LPIN1: variants seen among roughly 807,000 people sequenced by gnomAD.
LPIN1 encodes the protein lipin 1, also known as phosphatidate phosphatase LPIN1.
A neutral mutation model predicts 107.5 loss-of-function variants in LPIN1; 71 were observed. The observed-to-expected ratio is 0.66, with a 90% CI of 0.55 to 0.80. The LOEUF (loss-of-function observed/expected upper bound fraction) is 0.80, where lower values mean the gene tolerates loss of function less well. LPIN1 is among the 30% of genes least tolerant of loss of function. LPIN1 has a pLI of 0.00. For synonymous variants in LPIN1, 445 were observed against 452.6 expected, an observed-to-expected ratio of 0.98 and a Z score of 0.21; for missense variants, 1,043 against 1,160.6, an observed-to-expected ratio of 0.90 and a Z score of 1.47.
chr2:11,807,870 C>T (rs1678983955), intron 17 of LPIN1, among the ~76,000 whole-genome samples: 1 of 152,126 alleles, frequency 6.6e-6, no homozygotes, highest in African/African-American at 2.4e-5. Context: ...GTGCCAGCTC[C>T]TTGATGTGGC....
At chr2:11,679,808 G>C (rs948927071) in intron 1 of LPIN1, among the ~76,000 whole-genome samples, 3 of 152,244 alleles carry the variant, frequency 2.0e-5, no homozygotes, top group African/African-American at 7.2e-5. Context: ...TGGGGGCCGG[G>C]GGAGTCTGGC....
At chr2:11,754,720 C>T (rs998478027) in intron 1 of LPIN1, among the ~76,000 whole-genome samples, 1 of 152,210 alleles carries the variant, frequency 6.6e-6, no homozygotes, top group African/African-American at 2.4e-5. Context: ...CTGAGGATGA[C>T]AGCCTGGTGG....
chr2:11,792,278 A>C, intron 13 of LPIN1: 1 of 354,362 alleles, frequency 2.8e-6, no homozygotes. Context: ...AGATTTCGTC[A>C]TCTATAAAAG....
At chr2:11,773,190 A>C (rs1358423077) in intron 4 of LPIN1, among the ~76,000 whole-genome samples, 1 of 152,236 alleles carries the variant, frequency 6.6e-6, no homozygotes, top group Non-Finnish European at 1.5e-5. Context: ...TCTGCTAGAC[A>C]AAATGTGATC....
At chr2:11,726,961 G>C (rs907683819) in intron 1 of LPIN1, among the ~76,000 whole-genome samples, 3 of 152,184 alleles carry the variant, frequency 2.0e-5, no homozygotes, top group Non-Finnish European at 4.4e-5. Flanking sequence ...GGCCACAAAG[G>C]AACGTGCCCT....
At chr2:11,757,826 A>G (rs1392576365) in intron 1 of LPIN1, among the ~76,000 whole-genome samples, 1 of 152,218 alleles carries the variant, frequency 6.6e-6, no homozygotes, top group Non-Finnish European at 1.5e-5. Context: ...TAATTGTGAT[A>G]AAATACATAT....
rs145817148 is a variant in LPIN1 at position 11,718,230 on chromosome 2, A to AT, written c.138+4419dup. 4.3e-3 allele frequency among the ~76,000 whole-genome samples: 653 copies of AT among 150,778 alleles called. 7 individuals are homozygous for AT. The highest frequency in any genetic ancestry group is 0.015 in the African/African-American group (617 of 41,300). ...AACCTCTCAGGAAAAGGGGGTCAGG[A>AT]TATATATATATATTTGAGATGGAGT... On this transcript the variant is annotated intron_variant, in intron 2 of 21. Coordinates refer to the LPIN1 transcript ENST00000449576.
chr2:11,726,467 T>C (rs1017741204), intron 1 of LPIN1, among the ~76,000 whole-genome samples: 1 of 152,030 alleles, frequency 6.6e-6, no homozygotes, highest in South Asian at 2.1e-4. Context: ...CCAGCCACGC[T>C]CTCCCCCGCC....
Position 11,785,094 on chromosome 2 carries a change from CG to C in LPIN1, c.1549+21del. ...CACGAAAGGTACCGCGGGCCTCGCG[CG>C]GGCGCCCTCTGGTGGCCGCCGGTCA... is the stretch of plus-strand genomic sequence containing the variant. On this transcript the variant is annotated intron_variant, in intron 10 of 20. Transcript: ENST00000674199. 1 of 1,530,172 alleles carries C rather than the reference CG, an allele frequency of 6.5e-7. No individual in the cohort carries two copies. Among genetic ancestry groups the C allele is most frequent in the Non-Finnish European group, 8.7e-7 (1 of 1,143,104 alleles). 94.8% of individuals were successfully genotyped at this position (1,530,172 alleles called of 1,614,324 possible). A position where few individuals can be genotyped will look rare whatever the true frequency, so the allele number is the denominator to read the frequency against.
intron 1 of LPIN1, among the ~76,000 whole-genome samples, chr2:11,702,962 G>A (rs975199855): frequency 2.0e-5 from 3 of 152,150 alleles, no homozygotes; most frequent in African/African-American, 7.2e-5. Context: ...TGGAAGTGTG[G>A]ATGACCGCCT....
At chr2:11,756,788 T>A (rs1668760519) in intron 1 of LPIN1, among the ~76,000 whole-genome samples, 1 of 152,246 alleles carries the variant, frequency 6.6e-6, no homozygotes, top group Admixed American at 6.5e-5. Context: ...GCTTGTAGAT[T>A]TTTATGTTCT....
chr2:11,732,541 T>C (rs1338293384), intron 1 of LPIN1, among the ~76,000 whole-genome samples: 1 of 152,242 alleles, frequency 6.6e-6, no homozygotes, highest in Non-Finnish European at 1.5e-5. Flanking sequence ...GAAGTTGCTG[T>C]AGGATCAAAA....
At chr2:11,806,577 A>G (rs1678724839) in intron 17 of LPIN1, among the ~76,000 whole-genome samples, 1 of 152,186 alleles carries the variant, frequency 6.6e-6, no homozygotes, top group Non-Finnish European at 1.5e-5. Flanking sequence ...CTCTCTAAAA[A>G]AATAAGTATG....
At chr2:11,772,518 A>G (rs1398301156) in intron 4 of LPIN1, among the ~76,000 whole-genome samples, 2 of 152,218 alleles carry the variant, frequency 1.3e-5, no homozygotes. Flanking sequence ...ACGATGCACA[A>G]CTGGGCTGAT....
intron 8 of LPIN1, among the ~76,000 whole-genome samples, chr2:11,783,100 G>C (rs542019928): frequency 6.6e-6 from 1 of 152,152 alleles, no homozygotes; most frequent in South Asian, 2.1e-4. Context: ...TAGTATCAAC[G>C]ATGCCAGGCC....
At chr2:11,787,398 C>CTTTTTTTTTTTTTTTTTTTTTTTTTT (rs1205272301) in intron 11 of LPIN1, among the ~76,000 whole-genome samples, 1 of 64,554 alleles carries the variant, frequency 1.5e-5, no homozygotes, top group African/African-American at 8.1e-5. Flanking sequence ...TTTTCTTTTT[C>CTTTTTTTTTTTTTTTTTTTTTTTTTT]TTTTTTTTTT....
chr2:11,797,391 C>G (rs1676908680), intron 14 of LPIN1, among the ~76,000 whole-genome samples: 1 of 152,212 alleles, frequency 6.6e-6, no homozygotes, highest in South Asian at 2.1e-4. Flanking sequence ...GAGGATGGCT[C>G]TGTGGTCACC....
At chr2:11,776,845 A>G (rs1672749699) in intron 6 of LPIN1, among the ~76,000 whole-genome samples, 1 of 152,214 alleles carries the variant, frequency 6.6e-6, no homozygotes, top group Admixed American at 6.5e-5. Flanking sequence ...TTACTTTGTA[A>G]GCCTTAGCAA....
rs1301982277 is a variant in LPIN1, at chr2:11,802,905, A to C, written c.1887-2A>C. On this transcript the variant is annotated splice_acceptor_variant, in intron 14 of 20. Transcript: ENST00000674199. LOFTEE classifies it high-confidence loss of function. ...TGGTGATGACATCACTGTGTGTTCC[A>C]GGGTAAAGCATGAATCATCCTCCAG... 3 of 1,612,982 alleles carry C rather than the reference A, an allele frequency of 1.9e-6. No homozygotes were observed. The highest frequency in any genetic ancestry group is 3.3e-5 in the Admixed American group (2 of 60,026).
Sources: allele counts gnomAD v4.1 joint callset (sites outside exome capture counted in the v4.1 genomes callset), GRCh38; gene constraint gnomAD v4.1.1; transcripts MANE v1.5; gene names NCBI Gene and HGNC (gene_info 2026-07-23, HGNC 2026-07-21).